Variants in PPP2R5E observed in about 807,000 individuals in gnomAD.
PPP2R5E encodes protein phosphatase 2 regulatory subunit B'epsilon.
A neutral mutation model predicts 65.3 loss-of-function variants in PPP2R5E; 4 were observed. The observed-to-expected ratio is 0.06, with a 90% CI of 0.03 to 0.14. The LOEUF is 0.14. Ranked by LOEUF, PPP2R5E falls within the 10% of genes least tolerant of loss-of-function variation. The pLI, the probability that PPP2R5E is intolerant of heterozygous loss-of-function variation, is 1.00. For missense variants in PPP2R5E, 274 were observed against 556.1 expected (o/e 0.49, Z 5.10); for synonymous variants, 183 against 187.4 (o/e 0.98, Z 0.19).
At chr14:63,471,105 C>T (rs1206896505) in intron 2 of PPP2R5E, among the ~76,000 whole-genome samples, 1 of 152,164 alleles carries the variant, frequency 6.6e-6, no homozygotes, top group African/African-American at 2.4e-5. Flanking sequence ...TCTCATATTA[C>T]ATAAATCTGC....
At chr14:63,515,208 G>GAC (rs1892619787) in intron 2 of PPP2R5E, among the ~76,000 whole-genome samples, 1 of 152,124 alleles carries the variant, frequency 6.6e-6, no homozygotes, top group African/African-American at 2.4e-5. Flanking sequence ...AACTATACGG[G>GAC]ACACTATCTC....
At chr14:63,431,086 G>A (rs1887643531) in intron 3 of PPP2R5E, among the ~76,000 whole-genome samples, 1 of 152,062 alleles carries the variant, frequency 6.6e-6, no homozygotes, top group Non-Finnish European at 1.5e-5. Context: ...TGGCCAACAT[G>A]GTGAAACCCC....
intron 2 of PPP2R5E, among the ~76,000 whole-genome samples, chr14:63,502,181 C>T (rs997560397): frequency 6.6e-6 from 1 of 152,162 alleles, no homozygotes; most frequent in African/African-American, 2.4e-5. Context: ...AGATGTGAGC[C>T]ACTGCACCCA....
chr14:63,510,000 C>CA (rs1282375925), intron 2 of PPP2R5E, among the ~76,000 whole-genome samples: 2 of 151,800 alleles, frequency 1.3e-5, no homozygotes, highest in Non-Finnish European at 2.9e-5. Context: ...CCACCCTCTT[C>CA]AAAAAAACAA....
At chr14:63,466,273 C>CAAAAAAAAAAAAAA (rs550383242) in intron 2 of PPP2R5E, among the ~76,000 whole-genome samples, 1 of 118,286 alleles carries the variant, frequency 8.5e-6, no homozygotes, top group African/African-American at 3.1e-5. Flanking sequence ...TTTAAAAATA[C>CAAAAAAAAAAAAAA]AAAAAAAAAA....
intron 2 of PPP2R5E, among the ~76,000 whole-genome samples, chr14:63,527,026 A>T (rs1287000337): frequency 6.6e-6 from 1 of 152,192 alleles, no homozygotes; most frequent in Non-Finnish European, 1.5e-5. Flanking sequence ...AAAATTAGTC[A>T]GTTGTGGTGG....
In PPP2R5E at chr14:63,372,072, AGAG is replaced by A. The variant is rs1883718270; in HGVS notation, c.*3934_*3936del. On this transcript the variant is annotated 3_prime_UTR_variant, in exon 14 of 14. Transcript: ENST00000337537. ...AGGAAGGGAAGAGGGAAGGAGGAAA[AGAG>A]AAGCTGAGAGAGAAAAAAAAAAGAG... The A allele has an allele frequency of 6.6e-6, 1 of 150,384 alleles. No individual in the cohort carries two copies. The highest frequency in any genetic ancestry group is 6.6e-5 in the Admixed American group (1 of 15,106). The allele number at this position is 150,384 out of a possible 1,614,324, so 9.3% of individuals were successfully genotyped here. A position where few individuals can be genotyped will look rare whatever the true frequency, so the allele number is the denominator to read the frequency against.
At chr14:63,509,995 C>T (rs538310487) in intron 2 of PPP2R5E, among the ~76,000 whole-genome samples, 12 of 152,154 alleles carry the variant, frequency 7.9e-5, no homozygotes, top group African/African-American at 2.9e-4. Context: ...ATGTGCCACC[C>T]TCTTCAAAAA....
At chr14:63,442,200 T>A (rs1888271718) in intron 3 of PPP2R5E, among the ~76,000 whole-genome samples, 1 of 152,184 alleles carries the variant, frequency 6.6e-6, no homozygotes. Flanking sequence ...ATCATATCCT[T>A]AAATTTTTTC....
chr14:63,418,075 A>G (rs1398315686), intron 4 of PPP2R5E, among the ~76,000 whole-genome samples: 1 of 152,130 alleles, frequency 6.6e-6, no homozygotes, highest in Non-Finnish European at 1.5e-5. Context: ...GAATTCAGAA[A>G]AATTTCTTTC....
At chr14:63,444,620 T>C (rs1429792286) in intron 3 of PPP2R5E, among the ~76,000 whole-genome samples, 3 of 150,288 alleles carry the variant, frequency 2.0e-5, no homozygotes, top group Admixed American at 6.6e-5. Flanking sequence ...AAAAAAAAGA[T>C]GTGCAAATAT....
intron 2 of PPP2R5E, among the ~76,000 whole-genome samples, chr14:63,481,994 T>C (rs1457983854): frequency 6.6e-6 from 1 of 152,178 alleles, no homozygotes; most frequent in African/African-American, 2.4e-5. Flanking sequence ...TTTAAATACA[T>C]ATATAAAAGT....
intron 6 of PPP2R5E, among the ~76,000 whole-genome samples, 169 bp downstream of exon 6, chr14:63,396,417 G>C (rs1885399724): frequency 8.7e-6 from 1 of 115,042 alleles, no homozygotes; most frequent in Admixed American, 8.7e-5. Flanking sequence ...GGGAGGAGAG[G>C]AGGGGGAGGG....
chr14:63,525,112 G>A (rs1209037786), intron 2 of PPP2R5E, among the ~76,000 whole-genome samples: 2 of 152,164 alleles, frequency 1.3e-5, no homozygotes, highest in African/African-American at 2.4e-5. Flanking sequence ...GGTATTGGGC[G>A]TGCAGCTTAA....
intron 2 of PPP2R5E, among the ~76,000 whole-genome samples, chr14:63,512,209 C>T (rs1453010497): frequency 6.6e-6 from 1 of 151,770 alleles, no homozygotes; most frequent in Non-Finnish European, 1.5e-5. Context: ...ACCCTCTTGC[C>T]AAACATCAAA....
chr14:63,422,914 C>A (rs1887122360), intron 3 of PPP2R5E, among the ~76,000 whole-genome samples: 1 of 151,856 alleles, frequency 6.6e-6, no homozygotes, highest in Non-Finnish European at 1.5e-5. Context: ...GTAATGATAC[C>A]CAGAGTAAAA....
At chr14:63,466,273 CA>C (rs550383242) in intron 2 of PPP2R5E, among the ~76,000 whole-genome samples, 184 of 118,242 alleles carry the variant, frequency 1.6e-3, no homozygotes, top group African/African-American at 4.1e-3. Flanking sequence ...TTTAAAAATA[CA>C]AAAAAAAAAA....
chr14:63,456,002 G>A (rs1443688723), intron 2 of PPP2R5E, among the ~76,000 whole-genome samples: 2 of 152,126 alleles, frequency 1.3e-5, no homozygotes, highest in Non-Finnish European at 2.9e-5. Flanking sequence ...CCTGACCTCA[G>A]GTGATCTGCC....
chr14:63,528,392 G>A (rs1893269744), intron 2 of PPP2R5E, among the ~76,000 whole-genome samples: 1 of 152,140 alleles, frequency 6.6e-6, no homozygotes, highest in African/African-American at 2.4e-5. Context: ...GCAGAACAGA[G>A]GGATTTCACT....
Sources: gnomAD v4.1 joint callset for allele counts (sites outside exome capture counted in the v4.1 genomes callset) on GRCh38, gnomAD v4.1.1 for gene constraint, MANE v1.5 for transcripts, NCBI Gene and HGNC (gene_info 2026-07-23, HGNC 2026-07-21) for gene names.